SARDH: variants seen among roughly 807,000 people sequenced by gnomAD.
The protein encoded by SARDH is sarcosine dehydrogenase, also known as sarcosine dehydrogenase, mitochondrial.
SARDH carries 95 observed loss-of-function variants against 109.1 expected under a neutral mutation model. The ratio of observed to expected loss-of-function variants is 0.87; its 90% CI spans 0.74 to 1.03. The LOEUF is 1.03. SARDH is among the 50% of genes least tolerant of loss of function. The pLI is 0.00. For synonymous variants in SARDH, 572 were observed against 534.8 expected, an observed-to-expected ratio of 1.07 and a Z score of -0.96; for missense variants, 1,267 against 1,287.8, an observed-to-expected ratio of 0.98 and a Z score of 0.25.
chr9:133,714,291 C>G (rs1832040191), intron 8 of SARDH, among the ~76,000 whole-genome samples: 1 of 152,262 alleles, frequency 6.6e-6, no homozygotes, highest in Admixed American at 6.5e-5. Context: ...GGGCTAAGAG[C>G]CTGGCCAGGA....
chr9:133,681,218 G>A (rs1198564485), intron 17 of SARDH, among the ~76,000 whole-genome samples: 1 of 152,210 alleles, frequency 6.6e-6, no homozygotes, highest in East Asian at 1.9e-4. Context: ...GAATGCTGGT[G>A]GGTAGTGGGT....
Position 133,732,444 on chromosome 9 carries a change from G to A in SARDH, c.489C>T (p.Asp163=), listed in dbSNP as rs1294582133. Residue 163 remains aspartate (D), a synonymous_variant, in exon 3 of 21, where the codon GAC becomes GAT. Coordinates refer to ENST00000439388, the MANE Select transcript of SARDH (RefSeq NM_001134707.2). The part of the protein sequence containing the change: ...LFIASNRQRL[D]EYKRLMSLGK... ...ACACCGACATGAGCCTCTTGTACTC[G>A]TCCAGGCGCTGCCGGTTGGACGCGA... is the stretch of plus-strand genomic sequence containing the variant. 2.0e-6 allele frequency: 3 copies of A among 1,503,448 alleles called. No individual in the cohort carries two copies. Among genetic ancestry groups the A allele is most frequent in the African/African-American group, 1.5e-5 (1 of 68,168 alleles). 93.1% of individuals were successfully genotyped at this position (1,503,448 alleles called of 1,614,324 possible). A position where few individuals can be genotyped will look rare whatever the true frequency, so the allele number is the denominator to read the frequency against.
At chr9:133,660,624 T>C (rs1832400840), downstream of SARDH, among the ~76,000 whole-genome samples, 1 of 152,246 alleles carries the variant, frequency 6.6e-6, no homozygotes, top group Non-Finnish European at 1.5e-5. Flanking sequence ...GTTAGTTACT[T>C]TCCTTCCCTA....
At chr9:133,730,988 C>CA (rs1319006614) in intron 4 of SARDH, among the ~76,000 whole-genome samples, 4 of 152,086 alleles carry the variant, frequency 2.6e-5, no homozygotes, top group Non-Finnish European at 5.9e-5. Flanking sequence ...AACAAACAAA[C>CA]AAAAAAATTG....
chr9:133,694,431 T>A, intron 14 of SARDH, 60 bp from the exon 15 acceptor site: 2 of 1,389,278 alleles, frequency 1.4e-6, no homozygotes, highest in African/African-American at 1.4e-5. Context: ...CTGTGCTGCC[T>A]CAGTTTCCCC....
rs1024712306 is a variant in SARDH at position 133,728,204 on chromosome 9, A to G, written c.915+1561T>C. 1.3e-5 allele frequency among the ~76,000 whole-genome samples: 2 copies of G among 152,188 alleles called. No individual in the cohort carries two copies. Among genetic ancestry groups the G allele is most frequent in the Non-Finnish European group, 2.9e-5 (2 of 68,024 alleles). ...CAGTGGGGCGTGGCTTGCCCAGCGC[A>G]CAGGAGTCAGAGGCAGCAGCGCACT... On this transcript the variant is annotated intron_variant, in intron 6 of 20. Coordinates refer to ENST00000439388, the MANE Select transcript of SARDH (RefSeq NM_001134707.2). The surrounding 1 kb of genome is among the most constrained non-coding windows in gnomAD (Gnocchi z 5.0).
intron 1 of SARDH, among the ~76,000 whole-genome samples, chr9:133,737,902 G>A (rs1481171213): frequency 3.3e-5 from 5 of 152,258 alleles, no homozygotes. Flanking sequence ...GGATCAGACA[G>A]ATGGGTGGGG....
At chr9:133,731,542 C>T in intron 3 of SARDH, 58 bp from the exon 4 acceptor site, 1 of 1,560,280 alleles carries the variant, frequency 6.4e-7, no homozygotes, top group South Asian at 1.2e-5. Flanking sequence ...CTGGGCCACT[C>T]CCCTCCCCAA....
chr9:133,677,875 T>C (rs1316327801), intron 17 of SARDH, among the ~76,000 whole-genome samples: 19 of 152,346 alleles, frequency 1.2e-4, no homozygotes, highest in Non-Finnish European at 2.9e-5. Context: ...CTATAGGTTG[T>C]GATGAGAGAG....
rs1429384322 is a variant in SARDH, at chr9:133,685,246, T to C, written c.2110A>G (p.Asn704Asp). ...LQEVLDADLS[N>D]EAFPFSTHKL... Reference sequence around the variant, plus strand: ...TGGGTGGAGAACGGGAAGGCCTCGTTGCTCAGGTCTGCGTCCAGCACCTCC... The same window carrying C: ...TGGGTGGAGAACGGGAAGGCCTCGTCGCTCAGGTCTGCGTCCAGCACCTCC... The change falls in exon 17 of 21, where the codon AAC becomes GAC. Residue 704 changes from asparagine (N) to aspartate (D), a missense_variant. By Grantham distance (23) the Asn-to-Asp change is conservative. Transcript: ENST00000439388. The C allele has an allele frequency of 1.2e-6, 2 of 1,613,998 alleles. No homozygotes were observed. The highest frequency in any genetic ancestry group is 1.7e-6 in the Non-Finnish European group (2 of 1,179,970).
chr9:133,687,998 C>T (rs1473352865), intron 16 of SARDH, among the ~76,000 whole-genome samples: 3 of 152,126 alleles, frequency 2.0e-5, no homozygotes, highest in South Asian at 2.1e-4. Context: ...GCACCGGCCG[C>T]CCCCGGGCCG....
At chr9:133,697,287 G>T (rs796841811) in intron 13 of SARDH, among the ~76,000 whole-genome samples, 1 of 152,178 alleles carries the variant, frequency 6.6e-6, no homozygotes, top group East Asian at 1.9e-4. Context: ...GATGGAATTC[G>T]TAATTGAAAA....
intron 4 of SARDH, among the ~76,000 whole-genome samples, chr9:133,730,571 T>G (rs946008047): frequency 3.3e-5 from 5 of 152,006 alleles, no homozygotes; most frequent in Non-Finnish European, 5.9e-5. Flanking sequence ...TGGTTCTATT[T>G]TGCATACATA....
At chr9:133,691,169 AACACAC>A (rs3081171) in intron 15 of SARDH, among the ~76,000 whole-genome samples, 2,451 of 112,162 alleles carry the variant, frequency 0.022, 51 homozygotes, top group African/African-American at 0.058. Context: ...CACCTCCCCC[AACACAC>A]ACACACACAC....
At chr9:133,733,787 G>T in intron 2 of SARDH, 56 bp downstream of exon 2, 1 of 1,376,620 alleles carries the variant, frequency 7.3e-7, no homozygotes. Context: ...GCAATGGGCT[G>T]TGGCCCCTCG....
intron 1 of SARDH, among the ~76,000 whole-genome samples, chr9:133,735,670 C>A (rs1268804950): frequency 6.6e-6 from 1 of 152,208 alleles, no homozygotes; most frequent in Non-Finnish European, 1.5e-5. Context: ...AGGGCATGTG[C>A]ACATTGATTT....
rs1302277626 is a variant in SARDH at position 133,692,818 on chromosome 9, G to A, written c.1921+1440C>T. On this transcript the variant is annotated intron_variant, in intron 15 of 20. Transcript: ENST00000439388. This position sits in a 1 kb window ranked among gnomAD's most constrained non-coding sequence, Gnocchi z 5.0. Reference sequence around the variant, plus strand: ...CATGGATCCATGAGGCACGAGCGCTGTGGCTCAGCCCATGGCTCCCTCAGC... The same window carrying A: ...CATGGATCCATGAGGCACGAGCGCTATGGCTCAGCCCATGGCTCCCTCAGC... 1.3e-5 allele frequency among the ~76,000 whole-genome samples: 2 copies of A among 152,172 alleles called. No individual in the cohort carries two copies. The highest frequency in any genetic ancestry group is 2.4e-5 in the African/African-American group (1 of 41,436).
At chr9:133,673,057 G>C (rs1830403020) in intron 17 of SARDH, among the ~76,000 whole-genome samples, 1 of 152,238 alleles carries the variant, frequency 6.6e-6, no homozygotes, top group African/African-American at 2.4e-5. Context: ...CGGACACAGA[G>C]GCTCCCAGAG....
chr9:133,724,530 A>C (rs1258331703), intron 6 of SARDH, among the ~76,000 whole-genome samples: 3 of 152,276 alleles, frequency 2.0e-5, no homozygotes, highest in Non-Finnish European at 4.4e-5. Flanking sequence ...GTGAGGATGG[A>C]GGGGAGCTGG....
Sources: allele counts gnomAD v4.1 joint callset (sites outside exome capture counted in the v4.1 genomes callset), GRCh38; gene constraint gnomAD v4.1.1; non-coding constraint Gnocchi (gnomAD v3.1); transcripts MANE v1.5; gene names NCBI Gene and HGNC (gene_info 2026-07-23, HGNC 2026-07-21).